Variants in MMP16 observed in about 807,000 individuals in gnomAD.
The protein encoded by MMP16 is matrix metalloproteinase-16.
In MMP16, 12 loss-of-function variants were observed where a neutral mutation model predicts 67.8. The ratio of observed to expected loss-of-function variants is 0.18; its 90% confidence interval spans 0.11 to 0.29. The LOEUF is 0.29. Ranked by LOEUF, MMP16 falls within the 10% of genes least tolerant of loss-of-function variation. The probability of loss-of-function intolerance (pLI) is 1.00; values close to 1 mark genes in which losing one functional copy is unlikely to be tolerated. For synonymous variants in MMP16, 249 were observed against 255.9 expected (o/e 0.97, Z 0.26); for missense variants, 475 against 765.7 (o/e 0.62, Z 4.48).
chr8:88,219,495 G>T (rs1342183127), intron 1 of MMP16, among the ~76,000 whole-genome samples: 6 of 152,066 alleles, frequency 3.9e-5, no homozygotes, highest in Non-Finnish European at 8.8e-5. Flanking sequence ...GTTCTTGCAT[G>T]AGACCATGTC....
chr8:88,154,968 T>G (rs1030883223), intron 4 of MMP16, among the ~76,000 whole-genome samples: 3 of 152,300 alleles, frequency 2.0e-5, no homozygotes, highest in Admixed American at 6.5e-5. Context: ...ATTAATATTT[T>G]CATTTAAATT....
intron 1 of MMP16, among the ~76,000 whole-genome samples, chr8:88,303,638 C>G (rs1051982704): frequency 6.6e-6 from 1 of 152,232 alleles, no homozygotes; most frequent in Admixed American, 6.5e-5. Context: ...TGTTTCACAG[C>G]CTTCACTGGT....
intron 7 of MMP16, among the ~76,000 whole-genome samples, chr8:88,068,702 T>A (rs1273885379): frequency 6.6e-6 from 1 of 152,088 alleles, no homozygotes; most frequent in African/African-American, 2.4e-5. Flanking sequence ...ATTTTCTTTT[T>A]TCTTTCTTTG....
At chr8:88,100,186 T>C (rs1006034309) in intron 6 of MMP16, among the ~76,000 whole-genome samples, 8 of 151,988 alleles carry the variant, frequency 5.3e-5, no homozygotes, top group African/African-American at 1.9e-4. Flanking sequence ...TGAATGGTAT[T>C]GCCTAGGTTT....
intron 4 of MMP16, among the ~76,000 whole-genome samples, chr8:88,157,572 T>C (rs974783995): frequency 5.3e-5 from 8 of 151,978 alleles, no homozygotes; most frequent in African/African-American, 1.4e-4. Flanking sequence ...GTGTCTCTGA[T>C]AGAGTGTTTA....
intron 4 of MMP16, among the ~76,000 whole-genome samples, chr8:88,149,536 C>T (rs1385186135): frequency 1.3e-5 from 2 of 152,192 alleles, no homozygotes; most frequent in Non-Finnish European, 2.9e-5. Flanking sequence ...ACTGCCTCCT[C>T]AAGTGGGTCC....
At chr8:88,199,737 A>G (rs1158728949) in intron 1 of MMP16, among the ~76,000 whole-genome samples, 1 of 152,000 alleles carries the variant, frequency 6.6e-6, no homozygotes, top group Non-Finnish European at 1.5e-5. Flanking sequence ...ATCTGTAAAG[A>G]TATATACATA....
intron 1 of MMP16, among the ~76,000 whole-genome samples, chr8:88,198,118 G>A (rs758772633): frequency 7.2e-5 from 11 of 152,118 alleles, no homozygotes; most frequent in Non-Finnish European, 1.5e-4. Context: ...GCAAAAATTC[G>A]GAGTCATTTA....
intron 1 of MMP16, among the ~76,000 whole-genome samples, chr8:88,219,705 C>CAA (rs1809647851): frequency 6.6e-6 from 1 of 152,082 alleles, no homozygotes; most frequent in East Asian, 1.9e-4. Flanking sequence ...ATAAAATTTT[C>CAA]AATATCTAGT....
At chr8:88,172,088 G>A (rs1237653192) in intron 3 of MMP16, among the ~76,000 whole-genome samples, 2 of 152,096 alleles carry the variant, frequency 1.3e-5, no homozygotes, top group Non-Finnish European at 2.9e-5. Context: ...AAAGTGCTGG[G>A]ATTACAGGCG....
chr8:88,073,847 A>C (rs1808602288), intron 7 of MMP16, among the ~76,000 whole-genome samples: 1 of 152,102 alleles, frequency 6.6e-6, no homozygotes, highest in Non-Finnish European at 1.5e-5. Context: ...TAATATGTTC[A>C]ACCATAAAGT....
chr8:88,318,720 T>A (rs946640661), intron 1 of MMP16, among the ~76,000 whole-genome samples: 1 of 152,102 alleles, frequency 6.6e-6, no homozygotes, highest in Non-Finnish European at 1.5e-5. Flanking sequence ...TCATACCAAC[T>A]CACAAGATTA....
At chr8:88,042,098 C>G (rs143770112) in intron 9 of MMP16, among the ~76,000 whole-genome samples, 4 of 152,090 alleles carry the variant, frequency 2.6e-5, no homozygotes, top group Non-Finnish European at 4.4e-5. Flanking sequence ...GAAAAGAGAA[C>G]CTTATCTTTT....
chr8:88,148,132 TCTTACTATTG>T (rs1302670727), intron 4 of MMP16, among the ~76,000 whole-genome samples: 2 of 152,238 alleles, frequency 1.3e-5, no homozygotes, highest in East Asian at 3.8e-4. Flanking sequence ...TACATTTTAT[TCTTACTATTG>T]CATTTCTAAG....
At chr8:88,161,633 A>C (rs1238232169) in intron 4 of MMP16, among the ~76,000 whole-genome samples, 1 of 151,564 alleles carries the variant, frequency 6.6e-6, no homozygotes, top group Non-Finnish European at 1.5e-5. Flanking sequence ...AGTTCTTTTA[A>C]TTGTGATGTT....
chr8:88,083,395 A>C (rs78174400), intron 6 of MMP16, among the ~76,000 whole-genome samples: 17,682 of 152,086 alleles, frequency 0.12, 1,361 homozygotes, highest in Non-Finnish European at 0.16. Context: ...TTACAAGGTA[A>C]GCCTGGAACA....
At position 88,121,190 on chromosome 8, in the gene MMP16, C is replaced by T. The variant is rs547677906; in HGVS notation, c.710-2329G>A. ...AGCCATTCTGTTTCATGTATCTGTTCGCTTCAGATCATTCATATTTTCCTA... is the reference window on the plus strand; with the variant it reads ...AGCCATTCTGTTTCATGTATCTGTTTGCTTCAGATCATTCATATTTTCCTA... On this transcript the variant is annotated intron_variant, in intron 4 of 9. Coordinates refer to ENST00000286614, the MANE Select transcript of MMP16 (RefSeq NM_005941.5). Among the ~76,000 whole-genome samples, 9 of 151,336 alleles carry T rather than the reference C, an allele frequency of 5.9e-5. No homozygotes were observed. In the East Asian group the frequency reaches 9.8e-4, roughly 17 times the overall value.
At chr8:88,070,825 C>T (rs1421025182) in intron 7 of MMP16, among the ~76,000 whole-genome samples, 1 of 152,022 alleles carries the variant, frequency 6.6e-6, no homozygotes. Context: ...CTTTGAAAAT[C>T]ATTTTTTAAT....
chr8:88,147,777 TTGTG>T (rs55829907), intron 4 of MMP16, among the ~76,000 whole-genome samples: 141 of 149,268 alleles, frequency 9.4e-4, no homozygotes, highest in Non-Finnish European at 1.5e-3. Flanking sequence ...AAATATGTGT[TTGTG>T]TGTGTGTGTG....
Sources: gnomAD v4.1 joint callset for allele counts (sites outside exome capture counted in the v4.1 genomes callset) on GRCh38, gnomAD v4.1.1 for gene constraint, MANE v1.5 for transcripts, NCBI Gene and HGNC (gene_info 2026-07-23, HGNC 2026-07-21) for gene names.